Variants in LDLRAD4 observed in about 807,000 individuals in gnomAD.
LDLRAD4 encodes low density lipoprotein receptor class A domain containing 4, also known as low-density lipoprotein receptor class A domain-containing protein 4.
A neutral mutation model predicts 17.0 loss-of-function variants in LDLRAD4; 5 were observed. The observed-to-expected ratio is 0.29, with a 90% CI of 0.15 to 0.62. The LOEUF (loss-of-function observed/expected upper bound fraction) is 0.62. Ranked by LOEUF, LDLRAD4 falls within the 20% of genes least tolerant of loss-of-function variation. The pLI, the probability that LDLRAD4 is intolerant of heterozygous loss-of-function variation, is 0.84. For missense variants in LDLRAD4, 340 were observed against 424.7 expected, an observed-to-expected ratio of 0.80 and a Z score of 1.75; for synonymous variants, 168 against 171.8, an observed-to-expected ratio of 0.98 and a Z score of 0.17.
intron 3 of LDLRAD4, chr18:13,612,580 A>G: frequency 6.7e-7 from 1 of 1,498,192 alleles, no homozygotes; most frequent in Middle Eastern, 2.0e-4. Context: ...ACTCTCCCAC[A>G]CCCCATGCCA....
intron 2 of LDLRAD4, among the ~76,000 whole-genome samples, chr18:13,390,067 A>G (rs1160620760): frequency 6.6e-6 from 1 of 152,172 alleles, no homozygotes; most frequent in East Asian, 1.9e-4. Flanking sequence ...TATGTGTTGT[A>G]GAGTGAACAG....
At chr18:13,306,097 A>G (rs1235829663) in intron 1 of LDLRAD4, among the ~76,000 whole-genome samples, 1 of 152,246 alleles carries the variant, frequency 6.6e-6, no homozygotes, top group East Asian at 1.9e-4. Context: ...AGGAGAAAGA[A>G]TATCTGCCTC....
At chr18:13,498,661 A>G (rs1473658376) in intron 3 of LDLRAD4, among the ~76,000 whole-genome samples, 3 of 148,154 alleles carry the variant, frequency 2.0e-5, no homozygotes, top group African/African-American at 7.6e-5. Flanking sequence ...ACACTGGAGA[A>G]TCCTTTTCCC....
intron 3 of LDLRAD4, among the ~76,000 whole-genome samples, chr18:13,497,144 C>T (rs943219619): frequency 1.3e-5 from 2 of 152,178 alleles, no homozygotes; most frequent in African/African-American, 4.8e-5. Context: ...AGTTACAGAG[C>T]ATTTTATTTA....
chr18:13,598,314 G>A (rs908808033), intron 3 of LDLRAD4, among the ~76,000 whole-genome samples: 3 of 152,258 alleles, frequency 2.0e-5, no homozygotes, highest in Non-Finnish European at 2.9e-5. Flanking sequence ...TGGGATGGCA[G>A]TGATTTTAGC....
At chr18:13,591,155 CTG>C (rs2095022438) in intron 3 of LDLRAD4, among the ~76,000 whole-genome samples, 1 of 152,188 alleles carries the variant, frequency 6.6e-6, no homozygotes, top group Non-Finnish European at 1.5e-5. Flanking sequence ...CTGTAGAATT[CTG>C]TGTCTTCTCT....
intron 3 of LDLRAD4, among the ~76,000 whole-genome samples, chr18:13,528,345 C>T (rs1384614609): frequency 6.6e-6 from 1 of 152,172 alleles, no homozygotes; most frequent in Admixed American, 6.5e-5. Context: ...TGGAGTCTTG[C>T]TCTGTCGCCC....
chr18:13,350,010 C>A (rs891803905), intron 1 of LDLRAD4, among the ~76,000 whole-genome samples: 1 of 152,182 alleles, frequency 6.6e-6, no homozygotes, highest in Non-Finnish European at 1.5e-5. Context: ...ATATGTACCA[C>A]ATTTTCTGTA....
rs147421704 is a variant in LDLRAD4 at position 13,564,143 on chromosome 18, A to C, written c.182-56974A>C. Among the ~76,000 whole-genome samples the C allele has an allele frequency of 2.6e-3, 393 of 152,252 alleles. 1 individual carries two copies. The highest frequency in any genetic ancestry group is 8.6e-3 in the African/African-American group (358 of 41,538). On this transcript the variant is annotated intron_variant, in intron 3 of 5. Coordinates refer to ENST00000359446, the Ensembl canonical transcript of LDLRAD4. ...CTAGTCTTGAACTCCTGGCCTCCCAAATTGTTGGTATTATAGGCGTGAGTC... is the reference window on the plus strand; with the variant it reads ...CTAGTCTTGAACTCCTGGCCTCCCACATTGTTGGTATTATAGGCGTGAGTC...
At chr18:13,364,490 A>G (rs2083912385) in intron 1 of LDLRAD4, among the ~76,000 whole-genome samples, 1 of 152,092 alleles carries the variant, frequency 6.6e-6, no homozygotes, top group South Asian at 2.1e-4. Context: ...AGCATGTGCC[A>G]CCACACCTGG....
At chr18:13,588,284 CT>C (rs1172756807) in intron 3 of LDLRAD4, among the ~76,000 whole-genome samples, 1 of 152,138 alleles carries the variant, frequency 6.6e-6, no homozygotes, top group African/African-American at 2.4e-5. Flanking sequence ...CTTTCTTCTC[CT>C]TCTCCTTTTC....
chr18:13,535,725 T>C (rs2094193005), intron 3 of LDLRAD4, among the ~76,000 whole-genome samples: 1 of 152,228 alleles, frequency 6.6e-6, no homozygotes, highest in African/African-American at 2.4e-5. Flanking sequence ...AAGAAATCTT[T>C]GCCCAACCTA....
Position 13,578,352 on chromosome 18 carries a change from C to T in LDLRAD4, c.182-42765C>T, listed in dbSNP as rs191985226. ...TTCCCCTGGAACACCTTGAAATTTT[C>T]CCTAAAACTAGATTGACTAATCTGG... On this transcript the variant is annotated intron_variant, in intron 3 of 5. Transcript: ENST00000359446. Among the ~76,000 whole-genome samples, 273 of 152,280 alleles carry T rather than the reference C, an allele frequency of 1.8e-3. 3 individuals are homozygous for T. Among genetic ancestry groups the T allele is most frequent in the Non-Finnish European group, 3.1e-3 (211 of 68,018 alleles).
At chr18:13,439,638 G>A (rs1236618028) in intron 3 of LDLRAD4, among the ~76,000 whole-genome samples, 1 of 152,206 alleles carries the variant, frequency 6.6e-6, no homozygotes, top group African/African-American at 2.4e-5. Context: ...TGGCCTGCAG[G>A]CCCCTGCTCC....
Position 13,527,506 on chromosome 18 carries a change from G to A in LDLRAD4, c.181+89122G>A, listed in dbSNP as rs756491894. Among the ~76,000 whole-genome samples the A allele has an allele frequency of 1.4e-4, 21 of 152,158 alleles. No individual in the cohort carries two copies. The Middle Eastern group carries it at 0.014, about 99-fold the overall frequency. ...TTCTTCCCACCTCTTCTCAATCCTC[G>A]CCAAAGACCTAGCTCCAGGCTGACC... On this transcript the variant is annotated intron_variant, in intron 3 of 5. Coordinates refer to ENST00000359446, the Ensembl canonical transcript of LDLRAD4.
intron 3 of LDLRAD4, among the ~76,000 whole-genome samples, chr18:13,510,004 G>T (rs1382878577): frequency 6.6e-6 from 1 of 152,214 alleles, no homozygotes; most frequent in Admixed American, 6.5e-5. Flanking sequence ...CTACAGTATG[G>T]TGGAAACCTA....
intron 1 of LDLRAD4, among the ~76,000 whole-genome samples, chr18:13,262,773 C>T (rs1469456439): frequency 2.2e-5 from 2 of 92,900 alleles, no homozygotes; most frequent in Non-Finnish European, 3.9e-5. Flanking sequence ...TGCGTGGGGG[C>T]TGAGTCCCGT....
rs150143780 is a variant in LDLRAD4, at chr18:13,610,743, G to A, written c.182-10374G>A. 1.1e-4 allele frequency among the ~76,000 whole-genome samples: 17 copies of A among 152,274 alleles called. No homozygotes were observed. The East Asian group carries it at 2.3e-3, about 21-fold the overall frequency. Reference sequence around the variant, plus strand: ...CCTCGGGGCTCCAGGGACAAGGGGCGCTGGTAGCCAGGGAGGGGCGGCTTG... The same window carrying A: ...CCTCGGGGCTCCAGGGACAAGGGGCACTGGTAGCCAGGGAGGGGCGGCTTG... On this transcript the variant is annotated intron_variant, in intron 3 of 5. Transcript: ENST00000359446.
chr18:13,309,211 T>C (rs2047088223), intron 1 of LDLRAD4, among the ~76,000 whole-genome samples: 2 of 152,176 alleles, frequency 1.3e-5, no homozygotes. Context: ...ATGGCGTGGA[T>C]TGTGGGCAGT....
Sources: gnomAD v4.1 joint callset for allele counts (sites outside exome capture counted in the v4.1 genomes callset) on GRCh38, gnomAD v4.1.1 for gene constraint, MANE v1.5 for transcripts, NCBI Gene and HGNC (gene_info 2026-07-23, HGNC 2026-07-21) for gene names.